STX8: variants seen among roughly 807,000 people sequenced by gnomAD.
The protein encoded by STX8 is syntaxin 8.
In STX8, 23 loss-of-function variants were observed where a neutral mutation model predicts 37.5. The ratio of observed to expected loss-of-function variants is 0.61; its 90% CI spans 0.44 to 0.87. The LOEUF (loss-of-function observed/expected upper bound fraction) is 0.87. Among genes scored for constraint, STX8 ranks in the 40% least tolerant of loss-of-function variants. The pLI is 0.00. For synonymous variants in STX8, 115 were observed against 99.1 expected (o/e 1.16, Z -0.95); for missense variants, 313 against 284.7 (o/e 1.10, Z -0.71).
At chr17:9,380,709 C>T (rs1400922314) in intron 6 of STX8, among the ~76,000 whole-genome samples, 9 of 98,512 alleles carry the variant, frequency 9.1e-5, no homozygotes, top group East Asian at 3.4e-4. Context: ...GATACAGAAA[C>T]TTTTTTTTTT....
At chr17:9,488,230 T>C (rs1466170141) in intron 6 of STX8, among the ~76,000 whole-genome samples, 1 of 151,390 alleles carries the variant, frequency 6.6e-6, no homozygotes, top group East Asian at 1.9e-4. Context: ...GGAGGCTGAA[T>C]CAGGAGAATC....
At chr17:9,341,753 G>T (rs970642482) in intron 7 of STX8, among the ~76,000 whole-genome samples, 1 of 152,208 alleles carries the variant, frequency 6.6e-6, no homozygotes, top group African/African-American at 2.4e-5. Flanking sequence ...TGACTCAAGT[G>T]CAGCTGAAGC....
At chr17:9,256,741 G>C (rs1242629519) in intron 7 of STX8, among the ~76,000 whole-genome samples, 1 of 152,214 alleles carries the variant, frequency 6.6e-6, no homozygotes, top group Non-Finnish European at 1.5e-5. Flanking sequence ...GATGTAGGAA[G>C]GTGGCTCCAG....
chr17:9,319,967 T>TAAATA (rs1160822899), intron 7 of STX8, among the ~76,000 whole-genome samples: 2 of 150,290 alleles, frequency 1.3e-5, no homozygotes, highest in South Asian at 2.1e-4. Flanking sequence ...AATAAATAAA[T>TAAATA]AAATAAAATA....
chr17:9,429,748 ATAT>A (rs1327283244), intron 6 of STX8, among the ~76,000 whole-genome samples: 5 of 52,280 alleles, frequency 9.6e-5, no homozygotes, highest in South Asian at 4.6e-4. Context: ...TATATTATAT[ATAT>A]TATATTTTAT....
At chr17:9,532,133 T>C (rs1277542397) in intron 4 of STX8, among the ~76,000 whole-genome samples, 1 of 151,310 alleles carries the variant, frequency 6.6e-6, no homozygotes, top group African/African-American at 2.4e-5. Flanking sequence ...AGGCTGTTAA[T>C]AGAGCTTCCT....
At chr17:9,427,552 C>A (rs1913683597) in intron 6 of STX8, among the ~76,000 whole-genome samples, 1 of 152,132 alleles carries the variant, frequency 6.6e-6, no homozygotes, top group Non-Finnish European at 1.5e-5. Context: ...ACTCTGTAAC[C>A]AGAGCACTAA....
chr17:9,429,981 A>T (rs370143815), intron 6 of STX8, among the ~76,000 whole-genome samples: 4 of 8,868 alleles, frequency 4.5e-4, no homozygotes, highest in South Asian at 7.9e-3. Context: ...TATTATATAG[A>T]ATATATTATA....
At chr17:9,267,522 C>A (rs1013447223) in intron 7 of STX8, among the ~76,000 whole-genome samples, 7 of 152,186 alleles carry the variant, frequency 4.6e-5, no homozygotes, top group African/African-American at 1.2e-4. Flanking sequence ...CTGAGCTGAA[C>A]GCAGCAGCCT....
chr17:9,356,022 C>T (rs1056566680), intron 7 of STX8, among the ~76,000 whole-genome samples: 4 of 152,098 alleles, frequency 2.6e-5, no homozygotes, highest in Non-Finnish European at 5.9e-5. Context: ...TTTCACAGAC[C>T]ACCTCTCAGT....
chr17:9,562,601 GAAAA>G (rs748400596), intron 2 of STX8, among the ~76,000 whole-genome samples: 90 of 49,332 alleles, frequency 1.8e-3, no homozygotes, highest in Admixed American at 3.9e-3. Flanking sequence ...ACAGTTCACA[GAAAA>G]AAAAAAAAAT....
intron 7 of STX8, among the ~76,000 whole-genome samples, chr17:9,271,748 C>CAAAAAAAAAA (rs71135959): frequency 1.6e-5 from 1 of 63,468 alleles, no homozygotes; most frequent in Non-Finnish European, 3.4e-5. Context: ...GACTCCATCT[C>CAAAAAAAAAA]AAAAAAAAAA....
rs113562440 is a variant in STX8, at chr17:9,335,826, C to T, written c.643+42726G>A. ...GCTCTCTCTCTCTCACACACACACA[C>T]ACGTAGACACACACACACACACTCA... On this transcript the variant is annotated intron_variant, in intron 7 of 7. Coordinates refer to ENST00000306357, the MANE Select transcript of STX8 (RefSeq NM_004853.3). 7.1e-3 allele frequency among the ~76,000 whole-genome samples: 464 copies of T among 64,940 alleles called. 8 individuals are homozygous for T. Among genetic ancestry groups the T allele is most frequent in the African/African-American group, 0.018 (433 of 24,186 alleles). The allele number at this position is 64,940 out of a possible 152,430, so 42.6% of individuals were successfully genotyped here.
intron 7 of STX8, among the ~76,000 whole-genome samples, chr17:9,370,276 T>G (rs1911362962): frequency 6.6e-6 from 1 of 152,206 alleles, no homozygotes; most frequent in South Asian, 2.1e-4. Context: ...AAGGACTCAC[T>G]AGTACTAGTC....
intron 6 of STX8, among the ~76,000 whole-genome samples, chr17:9,423,947 G>A (rs1277028350): frequency 6.6e-6 from 1 of 152,176 alleles, no homozygotes; most frequent in African/African-American, 2.4e-5. Context: ...CTGCCACAGA[G>A]TTCAGTATGG....
chr17:9,387,617 G>A (rs188537537), intron 6 of STX8, among the ~76,000 whole-genome samples: 1 of 152,264 alleles, frequency 6.6e-6, no homozygotes, highest in East Asian at 1.9e-4. Flanking sequence ...TTTATGATCT[G>A]TGCCTCATTC....
intron 7 of STX8, among the ~76,000 whole-genome samples, chr17:9,333,624 T>C (rs373284437): frequency 2.9e-4 from 44 of 152,284 alleles, no homozygotes; most frequent in East Asian, 5.8e-4. Flanking sequence ...CTCCTGACCT[T>C]GTGATCCGCC....
At chr17:9,429,110 C>T (rs1025441049) in intron 6 of STX8, among the ~76,000 whole-genome samples, 4 of 151,832 alleles carry the variant, frequency 2.6e-5, no homozygotes, top group Non-Finnish European at 5.9e-5. Flanking sequence ...TTACTATATA[C>T]TCAGTGGGGT....
At chr17:9,293,664 T>C (rs1908402167) in intron 7 of STX8, among the ~76,000 whole-genome samples, 1 of 152,196 alleles carries the variant, frequency 6.6e-6, no homozygotes, top group African/African-American at 2.4e-5. Context: ...TACGACACTT[T>C]GTACTTTGCA....
Sources: gnomAD v4.1 joint callset for allele counts (sites outside exome capture counted in the v4.1 genomes callset) on GRCh38, gnomAD v4.1.1 for gene constraint, MANE v1.5 for transcripts, NCBI Gene and HGNC (gene_info 2026-07-23, HGNC 2026-07-21) for gene names.